The following AVEN variants were observed in gnomAD, a reference collection of about 807,000 sequenced individuals.
AVEN encodes the protein apoptosis and caspase activation inhibitor.
In AVEN, 41 loss-of-function variants were observed where a neutral mutation model predicts 38.1. The ratio of observed to expected loss-of-function variants is 1.08; its 90% confidence interval spans 0.84 to 1.40. AVEN has a LOEUF of 1.40. Among genes scored for constraint, AVEN ranks in the 40% most tolerant of loss-of-function variants. The pLI is 0.00. For missense variants in AVEN, 605 were observed against 438.8 expected (o/e 1.38, Z -3.38); for synonymous variants, 206 against 171.8 (o/e 1.20, Z -1.56).
intron 1 of AVEN, among the ~76,000 whole-genome samples, chr15:34,016,892 G>A (rs1224758212): frequency 6.6e-6 from 1 of 152,152 alleles, no homozygotes; most frequent in African/African-American, 2.4e-5. Context: ...ACTTTGGGAG[G>A]CCAAGGTGGG....
chr15:34,052,561 T>C (rs867695271), intron 5 of AVEN, among the ~76,000 whole-genome samples: 14 of 152,224 alleles, frequency 9.2e-5, no homozygotes, highest in Non-Finnish European at 1.8e-4. Context: ...CAAATTATCT[T>C]TGTTTGCAGA....
chr15:34,000,207 A>G (rs1897085277), intron 2 of AVEN, among the ~76,000 whole-genome samples: 1 of 152,160 alleles, frequency 6.6e-6, no homozygotes, highest in Admixed American at 6.5e-5. Flanking sequence ...TTTTATTTCT[A>G]TTCTAAGCAA....
chr15:33,922,570 G>A (rs1228445358), intron 2 of AVEN, among the ~76,000 whole-genome samples: 1 of 152,084 alleles, frequency 6.6e-6, no homozygotes, highest in African/African-American at 2.4e-5. Context: ...GAGCAGCTGG[G>A]ACTACTGGCA....
chr15:33,908,833 G>A lies in AVEN; in HGVS notation c.446-32838C>T, dbSNP rs928608585. ...AATGGAGAAACTACAAGAGGGCTGGGGCTTGATTCATACAGAAGTCTGCAG... is the reference window on the plus strand; with the variant it reads ...AATGGAGAAACTACAAGAGGGCTGGAGCTTGATTCATACAGAAGTCTGCAG... On this transcript the variant is annotated intron_variant, in intron 2 of 5. Transcript: ENST00000306730. Among the ~76,000 whole-genome samples the A allele has an allele frequency of 9.2e-5, 14 of 152,074 alleles. 1 individual carries two copies. In the South Asian group the frequency reaches 2.5e-3, roughly 27 times the overall value.
chr15:33,887,457 A>G (rs1458305825), intron 2 of AVEN, among the ~76,000 whole-genome samples: 4 of 152,332 alleles, frequency 2.6e-5, no homozygotes, highest in African/African-American at 9.6e-5. Context: ...AACAGCTTTT[A>G]CCAAAATAAA....
chr15:33,853,943 C>G (rs1375584336), downstream of AVEN, among the ~76,000 whole-genome samples: 1 of 152,074 alleles, frequency 6.6e-6, no homozygotes, highest in Non-Finnish European at 1.5e-5. Context: ...CCTGTAATCC[C>G]AGCACTTTGG....
chr15:33,885,195 G>T (rs1891654514), intron 2 of AVEN, among the ~76,000 whole-genome samples: 2 of 152,168 alleles, frequency 1.3e-5, no homozygotes, highest in Admixed American at 6.5e-5. Context: ...CAGAGGAGGA[G>T]AGAATGTCCA....
chr15:33,861,283 C>G, downstream of AVEN: 1 of 745,606 alleles, frequency 1.3e-6, no homozygotes, highest in Non-Finnish European at 2.3e-6. Context: ...CAGAAAGGAA[C>G]TTCCAGGAGT....
At chr15:34,050,757 G>A (rs1899901084) in intron 5 of AVEN, among the ~76,000 whole-genome samples, 2 of 152,064 alleles carry the variant, frequency 1.3e-5, no homozygotes, top group Admixed American at 1.3e-4. Context: ...AGAAAGAAGG[G>A]CATTACATAA....
intron 2 of AVEN, among the ~76,000 whole-genome samples, chr15:33,896,949 G>A (rs542665881): frequency 3.3e-5 from 5 of 152,266 alleles, no homozygotes; most frequent in Admixed American, 1.3e-4. Context: ...AATAGCTAGC[G>A]TGCAATGACA....
At chr15:33,884,884 G>T (rs1345958967) in intron 2 of AVEN, among the ~76,000 whole-genome samples, 2 of 151,018 alleles carry the variant, frequency 1.3e-5, no homozygotes, top group African/African-American at 4.9e-5. Context: ...TCATTTGATA[G>T]TAGCAATTCC....
chr15:33,904,694 A>AAAATATAT (rs1464894437), intron 2 of AVEN, among the ~76,000 whole-genome samples: 23 of 112,756 alleles, frequency 2.0e-4, no homozygotes, highest in South Asian at 5.6e-4. Context: ...AAAAAAAAAA[A>AAAATATAT]ATATATATAT....
At chr15:34,007,615 C>T (rs1897413311) in intron 1 of AVEN, among the ~76,000 whole-genome samples, 1 of 152,184 alleles carries the variant, frequency 6.6e-6, no homozygotes, top group Non-Finnish European at 1.5e-5. Flanking sequence ...CTACACAATT[C>T]CAAAGCCACT....
downstream of AVEN, chr15:33,857,724 C>T: frequency 1.2e-6 from 2 of 1,603,846 alleles, no homozygotes; most frequent in South Asian, 1.1e-5. Context: ...TCCTGTGAAC[C>T]TTTCAAGGTA....
intron 1 of AVEN, chr15:34,006,958 A>C (rs1897380756): frequency 1.7e-6 from 1 of 578,272 alleles, no homozygotes; most frequent in South Asian, 7.7e-5. Context: ...ATCAGAAAAC[A>C]AGGTGAAAAC....
chr15:34,016,791 G>A (rs1897930487), intron 1 of AVEN, among the ~76,000 whole-genome samples: 1 of 152,124 alleles, frequency 6.6e-6, no homozygotes, highest in Non-Finnish European at 1.5e-5. Context: ...CACATTCAGA[G>A]TTCTAGACCA....
At chr15:34,060,017 C>T (rs559887958) in intron 5 of AVEN, among the ~76,000 whole-genome samples, 2 of 152,194 alleles carry the variant, frequency 1.3e-5, no homozygotes, top group Admixed American at 6.5e-5. Context: ...AAGGAGAAAG[C>T]GATTTCCACA....
chr15:33,899,068 G>C (rs1389691529), intron 2 of AVEN, among the ~76,000 whole-genome samples: 1 of 152,146 alleles, frequency 6.6e-6, no homozygotes, highest in Admixed American at 6.5e-5. Context: ...ATACTGGAAA[G>C]GTAGGTGGGG....
At chr15:34,038,654 A>AGGCGCC (rs1306899235) in intron 1 of AVEN, 126 bp downstream of exon 1, 123,669 of 848,948 alleles carry the variant, frequency 0.15, 10,393 homozygotes, top group Middle Eastern at 0.21. Context: ...CGTCCCGCGC[A>AGGCGCC]GGCGCCGGCG....
Sources: gnomAD v4.1 joint callset for allele counts (sites outside exome capture counted in the v4.1 genomes callset) on GRCh38, gnomAD v4.1.1 for gene constraint, MANE v1.5 for transcripts, NCBI Gene and HGNC (gene_info 2026-07-23, HGNC 2026-07-21) for gene names.